The following CCDC85A variants were observed in gnomAD, a reference collection of about 807,000 sequenced individuals.
The protein encoded by CCDC85A is coiled-coil domain containing 85A, also known as coiled-coil domain-containing protein 85A.
In CCDC85A, 38 loss-of-function variants were observed where a neutral mutation model predicts 50.2. The ratio of observed to expected loss-of-function variants is 0.76; its 90% CI spans 0.58 to 0.99. The LOEUF (loss-of-function observed/expected upper bound fraction) is 0.99, where lower values mean the gene tolerates loss of function less well. CCDC85A is among the 50% of genes least tolerant of loss of function. The probability of loss-of-function intolerance (pLI) is 0.00; values close to 1 mark genes in which losing one functional copy is unlikely to be tolerated. For synonymous variants in CCDC85A, 366 were observed against 301.4 expected (o/e 1.21, Z -2.22); for missense variants, 820 against 742.0 (o/e 1.11, Z -1.22).
intron 2 of CCDC85A, among the ~76,000 whole-genome samples, chr2:56,260,121 G>A (rs1394241564): frequency 3.3e-5 from 5 of 152,220 alleles, no homozygotes; most frequent in Admixed American, 3.3e-4. Flanking sequence ...AAAGAGCAGG[G>A]AAGACTGATG....
At chr2:56,209,955 C>CAAAT (rs1677118157) in intron 2 of CCDC85A, among the ~76,000 whole-genome samples, 1 of 152,000 alleles carries the variant, frequency 6.6e-6, no homozygotes, top group African/African-American at 2.4e-5. Context: ...AAGGTGTTAG[C>CAAAT]AAATGGACCT....
chr2:56,310,797 C>T (rs961198075), intron 2 of CCDC85A, among the ~76,000 whole-genome samples: 1 of 152,134 alleles, frequency 6.6e-6, no homozygotes, highest in Non-Finnish European at 1.5e-5. Context: ...GACAACTGCA[C>T]GTGCTTTTCA....
intron 3 of CCDC85A, among the ~76,000 whole-genome samples, chr2:56,348,920 T>G (rs1460479240): frequency 6.6e-6 from 1 of 152,192 alleles, no homozygotes; most frequent in Non-Finnish European, 1.5e-5. Context: ...GGCCATAGAT[T>G]TATGGCTCTT....
chr2:56,208,252 C>T (rs1300821968), intron 2 of CCDC85A, among the ~76,000 whole-genome samples: 2 of 152,052 alleles, frequency 1.3e-5, no homozygotes, highest in African/African-American at 2.4e-5. Flanking sequence ...CTGGTTTTTA[C>T]AGTATTCAGG....
intron 3 of CCDC85A, among the ~76,000 whole-genome samples, chr2:56,344,471 T>G (rs1674532672): frequency 6.6e-6 from 1 of 152,184 alleles, no homozygotes; most frequent in Non-Finnish European, 1.5e-5. Context: ...AATTTTCCAT[T>G]TAATATTTTT....
At chr2:56,382,255 T>C (rs971409597) in intron 5 of CCDC85A, among the ~76,000 whole-genome samples, 1 of 151,968 alleles carries the variant, frequency 6.6e-6, no homozygotes, top group African/African-American at 2.4e-5. Context: ...TTATATGCCT[T>C]TATAATAATG....
At chr2:56,185,617 A>G (rs1403936451) in intron 1 of CCDC85A, 2 of 152,314 alleles carry the variant, frequency 1.3e-5, no homozygotes, top group Non-Finnish European at 2.9e-5. Flanking sequence ...TTGACAGAGT[A>G]CCCCAAGTGT....
chr2:56,362,075 G>C (rs114077916), intron 3 of CCDC85A, among the ~76,000 whole-genome samples: 244 of 152,258 alleles, frequency 1.6e-3, no homozygotes, highest in African/African-American at 5.4e-3. Flanking sequence ...GAAAGGGACT[G>C]CATACGGCTT....
chr2:56,184,699 G>C lies in CCDC85A; in HGVS notation c.75G>C (p.Ser25=). 6.6e-7 allele frequency: 1 copy of C among 1,524,456 alleles called. No individual in the cohort carries two copies. The highest frequency in any genetic ancestry group is 8.8e-7 in the Non-Finnish European group (1 of 1,140,102). The allele number at this position is 1,524,456 out of a possible 1,614,324, so 94.4% of individuals were successfully genotyped here. A position where few individuals can be genotyped will look rare whatever the true frequency, so the allele number is the denominator to read the frequency against. Reference sequence around the variant, plus strand: ...GTTGTTCCCCAGCCCCGGCCGGCTCGTCCGCGGCCCCGCCCGCGCCGGTGG... The same window carrying C: ...GTTGTTCCCCAGCCCCGGCCGGCTCCTCCGCGGCCCCGCCCGCGCCGGTGG... ...AESCSPAPAG[S]SAAPPAPVED... Residue 25 remains serine (S), a synonymous_variant, in exon 1 of 6, where the codon TCG becomes TCC. Coordinates refer to ENST00000407595, the MANE Select transcript of CCDC85A (RefSeq NM_001080433.2).
intron 2 of CCDC85A, among the ~76,000 whole-genome samples, chr2:56,212,022 G>T (rs189494848): frequency 2.0e-5 from 3 of 152,026 alleles, no homozygotes; most frequent in African/African-American, 4.8e-5. Flanking sequence ...GTAATATCTG[G>T]ACTCAGCTCA....
At chr2:56,244,708 C>G (rs997470247) in intron 2 of CCDC85A, among the ~76,000 whole-genome samples, 17 of 151,778 alleles carry the variant, frequency 1.1e-4, no homozygotes, top group Non-Finnish European at 2.9e-5. Context: ...GAGTCTCACC[C>G]AAGGCCCACA....
chr2:56,323,191 G>T (rs1673296676), intron 2 of CCDC85A, among the ~76,000 whole-genome samples: 1 of 152,072 alleles, frequency 6.6e-6, no homozygotes, highest in Admixed American at 6.6e-5. Flanking sequence ...TATACCTAAT[G>T]TAAATGATGA....
chr2:56,280,073 C>T (rs967781467), intron 2 of CCDC85A, among the ~76,000 whole-genome samples: 5 of 152,166 alleles, frequency 3.3e-5, no homozygotes, highest in African/African-American at 1.2e-4. Context: ...TATCCTCACC[C>T]CCCCACCTCT....
intron 2 of CCDC85A, among the ~76,000 whole-genome samples, chr2:56,257,148 A>G (rs1180825624): frequency 6.6e-6 from 1 of 152,124 alleles, no homozygotes; most frequent in Non-Finnish European, 1.5e-5. Context: ...GCGAGATGCT[A>G]TGGTGTGAAC....
intron 2 of CCDC85A, among the ~76,000 whole-genome samples, chr2:56,214,568 A>G (rs1677315815): frequency 6.6e-6 from 1 of 151,502 alleles, no homozygotes; most frequent in African/African-American, 2.4e-5. Context: ...ATCTACAATA[A>G]TTGTGTGTTT....
At chr2:56,328,063 A>G (rs1673566885) in intron 2 of CCDC85A, among the ~76,000 whole-genome samples, 2 of 152,166 alleles carry the variant, frequency 1.3e-5, no homozygotes, top group Admixed American at 1.3e-4. Context: ...TGGCAGAATT[A>G]GAGCTGTCAT....
At chr2:56,332,772 G>T (rs1673879110) in intron 2 of CCDC85A, among the ~76,000 whole-genome samples, 1 of 147,706 alleles carries the variant, frequency 6.8e-6, no homozygotes, top group Admixed American at 7.0e-5. Context: ...ACCCACCACT[G>T]GTTGAATCTG....
chr2:56,313,559 A>T (rs770359283), intron 2 of CCDC85A, among the ~76,000 whole-genome samples: 1 of 152,142 alleles, frequency 6.6e-6, no homozygotes, highest in Non-Finnish European at 1.5e-5. Flanking sequence ...TGCACAGCAG[A>T]CCATGGTGCA....
chr2:56,386,147 C>A lies in CCDC85A; in HGVS notation c.*1792C>A, dbSNP rs540246443. The A allele has an allele frequency of 7.2e-5, 11 of 152,288 alleles. No homozygotes were observed. In the South Asian group the frequency reaches 2.3e-3, roughly 32 times the overall value. The allele number at this position is 152,288 out of a possible 1,614,324, so 9.4% of individuals were successfully genotyped here. On this transcript the variant is annotated 3_prime_UTR_variant, in exon 6 of 6. Coordinates refer to ENST00000407595, the MANE Select transcript of CCDC85A (RefSeq NM_001080433.2). ...TATTAAGTATATGTGTTCATCTTAGCAATGGTAATAAATTATTTAATCTCA... is the reference window on the plus strand; with the variant it reads ...TATTAAGTATATGTGTTCATCTTAGAAATGGTAATAAATTATTTAATCTCA...
Sources: gnomAD v4.1 joint callset for allele counts (sites outside exome capture counted in the v4.1 genomes callset) on GRCh38, gnomAD v4.1.1 for gene constraint, MANE v1.5 for transcripts, NCBI Gene and HGNC (gene_info 2026-07-23, HGNC 2026-07-21) for gene names.